RASSF9: variants seen among roughly 807,000 people sequenced by gnomAD.
RASSF9 encodes the protein ras association domain-containing protein 9.
RASSF9 carries 18 observed loss-of-function variants against 21.4 expected under a neutral mutation model. That is an observed-to-expected ratio of 0.84 (90% CI 0.58 to 1.25). The LOEUF (loss-of-function observed/expected upper bound fraction) is 1.25. Ranked by LOEUF, RASSF9 falls within the 50% of genes most tolerant of loss-of-function variation. RASSF9 has a pLI of 0.00. For missense variants in RASSF9, 480 were observed against 503.2 expected, an observed-to-expected ratio of 0.95 and a Z score of 0.44; for synonymous variants, 183 against 179.1, an observed-to-expected ratio of 1.02 and a Z score of -0.18.
intron 1 of RASSF9, 31 bp downstream of exon 1, chr12:85,836,124 C>G (rs1367526931): frequency 6.8e-5 from 106 of 1,551,246 alleles, no homozygotes; most frequent in Non-Finnish European, 9.1e-5. Flanking sequence ...CACAGAGACA[C>G]ACACACACTT....
intron 1 of RASSF9, among the ~76,000 whole-genome samples, chr12:85,816,997 G>C (rs1880084723): frequency 6.6e-6 from 1 of 152,034 alleles, no homozygotes; most frequent in African/African-American, 2.4e-5. Context: ...AGGAATGGGA[G>C]CTATAAAACA....
At chr12:85,831,771 A>T (rs1264363356) in intron 1 of RASSF9, among the ~76,000 whole-genome samples, 1 of 151,986 alleles carries the variant, frequency 6.6e-6, no homozygotes, top group African/African-American at 2.4e-5. Flanking sequence ...AACAGAGAGA[A>T]GACATCCTTC....
In RASSF9 at chr12:85,805,765, T is replaced by C. The variant is rs367564230; in HGVS notation, c.245A>G (p.Lys82Arg). 5 of 1,613,876 alleles carry C rather than the reference T, an allele frequency of 3.1e-6. No individual in the cohort carries two copies. The Middle Eastern group carries it at 4.9e-4, about 160-fold the overall frequency. The change falls in exon 2 of 2, where the codon AAG (lysine) becomes AGG (arginine). Residue 82 changes from lysine (K) to arginine (R), a missense_variant. Transcript: ENST00000361228. The part of the protein sequence containing the change: ...GKPSDYCIIE[K>R]WRGSERVLPP... ...AAGAACCCTTTCGGAGCCTCTCCAC[T>C]TCTCTATGATGCAGTAATCACTGGG...
chr12:85,804,446 C>G lies in RASSF9; in HGVS notation c.*256G>C. The G allele has an allele frequency of 2.7e-6, 1 of 371,880 alleles. No homozygotes were observed. The allele number at this position is 371,880 out of a possible 1,614,324, so 23.0% of individuals were successfully genotyped here. ...AGGAAGATTATCATATGATTCCCAT[C>G]AAATTATTTCTGTGTTCTACAACGA... On this transcript the variant is annotated 3_prime_UTR_variant, in exon 2 of 2. Coordinates refer to ENST00000361228, the MANE Select transcript of RASSF9 (RefSeq NM_005447.4).
rs571175930 is a variant in RASSF9, at chr12:85,801,040, G to C, written c.*3662C>G. The C allele has an allele frequency of 1.6e-4, 24 of 151,922 alleles. 1 individual carries two copies. Among genetic ancestry groups the C allele is most frequent in the South Asian group, 2.1e-4 (1 of 4,814 alleles). 9.4% of individuals were successfully genotyped at this position (151,922 alleles called of 1,614,324 possible). A position where few individuals can be genotyped will look rare whatever the true frequency, so the allele number is the denominator to read the frequency against. The stretch of plus-strand genomic sequence containing the variant: ...AATGAGGTGTTGTTATTTTACTTAA[G>C]AAGAAAAATGAAATAGATATTTTGT... On this transcript the variant is annotated 3_prime_UTR_variant, in exon 2 of 2. Transcript: ENST00000361228.
intron 1 of RASSF9, among the ~76,000 whole-genome samples, chr12:85,816,330 G>A (rs1037350218): frequency 2.0e-5 from 3 of 151,462 alleles, no homozygotes; most frequent in African/African-American, 4.8e-5. Context: ...AAAAGCAATG[G>A]TTACTAATAT....
intron 1 of RASSF9, among the ~76,000 whole-genome samples, chr12:85,835,904 T>C (rs576695150): frequency 6.6e-6 from 1 of 152,242 alleles, no homozygotes; most frequent in African/African-American, 2.4e-5. Context: ...GAGTCAAATA[T>C]AATCACTCTT....
chr12:85,811,771 A>T (rs1592528395), intron 1 of RASSF9, among the ~76,000 whole-genome samples: 1 of 151,820 alleles, frequency 6.6e-6, no homozygotes, highest in South Asian at 2.1e-4. Flanking sequence ...TGAATCAGTT[A>T]TCTACACCAT....
Position 85,805,782 on chromosome 12 carries a change from A to AGATT in RASSF9, c.227_228insAATC (p.Asp76GlufsTer21), listed in dbSNP as rs746822795. On this transcript the variant is annotated frameshift_variant, in exon 2 of 2. Transcript: ENST00000361228. LOFTEE classifies it high-confidence loss of function. ...CTCTCCACTTCTCTATGATGCAGTA[A>AGATT]TCACTGGGCTTCCCCAGAAGAAATC... The AGATT allele has an allele frequency of 8.1e-6, 13 of 1,613,750 alleles. No homozygotes were observed. The highest frequency in any genetic ancestry group is 1.1e-5 in the Non-Finnish European group (13 of 1,179,892).
At chr12:85,825,286 C>A (rs1357717058) in intron 1 of RASSF9, among the ~76,000 whole-genome samples, 12 of 152,038 alleles carry the variant, frequency 7.9e-5, no homozygotes, top group Admixed American at 7.9e-4. Flanking sequence ...TGCTAGTTTG[C>A]CAGTCAAGTC....
intron 1 of RASSF9, among the ~76,000 whole-genome samples, chr12:85,820,210 G>A (rs1173995302): frequency 6.6e-6 from 1 of 152,152 alleles, no homozygotes; most frequent in African/African-American, 2.4e-5. Context: ...TGTCCATAAA[G>A]TTTTATTGAA....
chr12:85,817,605 T>C (rs983986038), intron 1 of RASSF9, among the ~76,000 whole-genome samples: 2 of 152,114 alleles, frequency 1.3e-5, no homozygotes, highest in African/African-American at 4.8e-5. Flanking sequence ...TCCAAATACA[T>C]TGTTCATTTT....
At chr12:85,825,783 TACACACACAC>T (rs112920213) in intron 1 of RASSF9, among the ~76,000 whole-genome samples, 1 of 147,096 alleles carries the variant, frequency 6.8e-6, no homozygotes, top group Non-Finnish European at 1.5e-5. Flanking sequence ...ATGTGATCTT[TACACACACAC>T]ACACACACAC....
chr12:85,836,108 C>A (rs1460325006), intron 1 of RASSF9, 47 bp downstream of exon 1: 3 of 1,550,966 alleles, frequency 1.9e-6, no homozygotes, highest in Non-Finnish European at 2.6e-6. Flanking sequence ...ACAAGACACA[C>A]ACACACACAG....
intron 1 of RASSF9, among the ~76,000 whole-genome samples, chr12:85,819,880 A>T (rs1337008689): frequency 1.3e-5 from 2 of 152,236 alleles, no homozygotes; most frequent in Admixed American, 1.3e-4. Context: ...ATTTAAATAT[A>T]CAAAGCTAAA....
Position 85,805,661 on chromosome 12 carries a change from C to T in RASSF9, c.349G>A (p.Ala117Thr), listed in dbSNP as rs771742728. Residue 117 changes from alanine (A) to threonine (T), a missense_variant, in exon 2 of 2, where the codon GCA (alanine) becomes ACA (threonine). Ala to Thr is a moderately conservative substitution (Grantham distance 58). Transcript: ENST00000361228. ...AAAGGAACTGGAAGAAAAGCATCTG[C>T]TTTAACCAAAACAAATTGCATATTG... Reference protein sequence around the residue: ...QPNMQFVLVKADAFLPVPLWR... With the variant: ...QPNMQFVLVKTDAFLPVPLWR... 8 of 1,614,014 alleles carry T rather than the reference C, an allele frequency of 5.0e-6. 1 individual carries two copies. In the East Asian group the frequency reaches 1.1e-4, roughly 22 times the overall value.
intron 1 of RASSF9, among the ~76,000 whole-genome samples, chr12:85,809,849 A>G (rs1879913571): frequency 6.6e-6 from 1 of 151,888 alleles, no homozygotes; most frequent in African/African-American, 2.4e-5. Flanking sequence ...AAAGAACACT[A>G]ATGATCATCA....
At chr12:85,810,008 A>C (rs139027592) in intron 1 of RASSF9, among the ~76,000 whole-genome samples, 36 of 151,962 alleles carry the variant, frequency 2.4e-4, no homozygotes, top group African/African-American at 6.3e-4. Flanking sequence ...ATTTCTCAAT[A>C]TTTCGGGGAA....
chr12:85,813,204 C>T (rs1235121989), intron 1 of RASSF9, among the ~76,000 whole-genome samples: 1 of 151,782 alleles, frequency 6.6e-6, no homozygotes, highest in African/African-American at 2.4e-5. Context: ...GTGTTAGCCT[C>T]AGGGATATTT....
Sources: gnomAD v4.1 joint callset for allele counts (sites outside exome capture counted in the v4.1 genomes callset) on GRCh38, gnomAD v4.1.1 for gene constraint, MANE v1.5 for transcripts, NCBI Gene and HGNC (gene_info 2026-07-23, HGNC 2026-07-21) for gene names.